BICD1: variants seen among roughly 807,000 people sequenced by gnomAD.
The protein encoded by BICD1 is protein bicaudal D homolog 1.
In BICD1, 35 loss-of-function variants were observed where a neutral mutation model predicts 92.5. That is an observed-to-expected ratio of 0.38 (90% CI 0.29 to 0.50). The LOEUF is 0.50. Ranked by LOEUF, BICD1 falls within the 20% of genes least tolerant of loss-of-function variation. BICD1 has a pLI of 0.93. For synonymous variants in BICD1, 429 were observed against 465.1 expected, an observed-to-expected ratio of 0.92 and a Z score of 1.00; for missense variants, 950 against 1,189.8, an observed-to-expected ratio of 0.80 and a Z score of 2.97.
intron 1 of BICD1, chr12:32,108,570 A>G (rs573746005): frequency 4.6e-6 from 3 of 652,340 alleles, no homozygotes; most frequent in South Asian, 1.7e-5. Context: ...TTTTAGGTGC[A>G]TATTGACATT....
intron 2 of BICD1, among the ~76,000 whole-genome samples, chr12:32,253,105 A>G (rs1302575427): frequency 6.6e-6 from 1 of 150,910 alleles, no homozygotes; most frequent in African/African-American, 2.4e-5. Flanking sequence ...CTGGTCTTGA[A>G]CTCCTGGGCT....
intron 2 of BICD1, among the ~76,000 whole-genome samples, chr12:32,293,252 T>C (rs1038927527): frequency 8.5e-5 from 13 of 152,178 alleles, no homozygotes; most frequent in Non-Finnish European, 2.9e-5. Context: ...ATCTATGACT[T>C]GCTTTTCACA....
chr12:32,302,660 A>G (rs1948087983), intron 3 of BICD1, among the ~76,000 whole-genome samples: 1 of 152,206 alleles, frequency 6.6e-6, no homozygotes, highest in East Asian at 1.9e-4. Context: ...TGTAGTTGAT[A>G]TGTAACCCAG....
intron 8 of BICD1, among the ~76,000 whole-genome samples, chr12:32,343,056 T>G (rs761562617): frequency 1.3e-5 from 2 of 152,208 alleles, no homozygotes; most frequent in African/African-American, 2.4e-5. Context: ...GCTTGTTAAC[T>G]TTCTTGTTCT....
intron 9 of BICD1, among the ~76,000 whole-genome samples, chr12:32,374,129 G>T (rs1458427823): frequency 6.6e-6 from 1 of 150,628 alleles, no homozygotes; most frequent in Non-Finnish European, 1.5e-5. Flanking sequence ...CACTAGAATT[G>T]CTTGAACCTG....
intron 3 of BICD1, among the ~76,000 whole-genome samples, chr12:32,297,411 A>G (rs1302426003): frequency 6.6e-6 from 1 of 151,838 alleles, no homozygotes; most frequent in Non-Finnish European, 1.5e-5. Context: ...TGCCCTCCCT[A>G]TGTTGCCCAG....
chr12:32,350,426 G>A (rs1017699474), intron 8 of BICD1, among the ~76,000 whole-genome samples: 3 of 152,152 alleles, frequency 2.0e-5, no homozygotes, highest in African/African-American at 7.2e-5. Context: ...GCAGTGAGCT[G>A]TGATTGCACC....
chr12:32,252,186 T>TATTATATTTATAATAA (rs1946582448), intron 2 of BICD1, among the ~76,000 whole-genome samples: 7 of 133,200 alleles, frequency 5.3e-5, no homozygotes, highest in African/African-American at 1.5e-4. Context: ...TTATATAATA[T>TATTATATTTATAATAA]ATACTATATA....
At chr12:32,224,419 C>G (rs893531444) in intron 2 of BICD1, among the ~76,000 whole-genome samples, 2 of 152,368 alleles carry the variant, frequency 1.3e-5, no homozygotes. Flanking sequence ...ATTTAATTCT[C>G]TCAACAAACT....
At chr12:32,116,339 A>G (rs1389453964) in intron 1 of BICD1, among the ~76,000 whole-genome samples, 1 of 151,272 alleles carries the variant, frequency 6.6e-6, no homozygotes, top group Non-Finnish European at 1.5e-5. Flanking sequence ...TCTTCCATCA[A>G]CTCTTTTATG....
chr12:32,253,386 GC>G (rs2136110189), intron 2 of BICD1, among the ~76,000 whole-genome samples: 1 of 152,146 alleles, frequency 6.6e-6, no homozygotes, highest in South Asian at 2.1e-4. Flanking sequence ...TGACTTTAAT[GC>G]CCCACTGGAC....
intron 1 of BICD1, among the ~76,000 whole-genome samples, chr12:32,197,976 C>T (rs1010855252): frequency 3.3e-5 from 5 of 151,902 alleles, no homozygotes; most frequent in East Asian, 1.9e-4. Flanking sequence ...GAGGCCAAGG[C>T]GGGTGGATCA....
chr12:32,156,437 G>A (rs775821680), intron 1 of BICD1, among the ~76,000 whole-genome samples: 1 of 152,184 alleles, frequency 6.6e-6, no homozygotes, highest in Non-Finnish European at 1.5e-5. Context: ...GGCAGTCTTA[G>A]TTGGGGCTCA....
At chr12:32,307,948 C>A (rs904057718) in intron 4 of BICD1, among the ~76,000 whole-genome samples, 1 of 152,054 alleles carries the variant, frequency 6.6e-6, no homozygotes, top group Non-Finnish European at 1.5e-5. Context: ...TTGTTTATTC[C>A]TTTTGTTTTG....
intron 2 of BICD1, among the ~76,000 whole-genome samples, chr12:32,265,926 C>T (rs1946983299): frequency 6.6e-6 from 1 of 152,284 alleles, no homozygotes; most frequent in African/African-American, 2.4e-5. Context: ...CCCAATTACA[C>T]ATCTGTCTCA....
At chr12:32,240,632 G>T (rs1303578887) in intron 2 of BICD1, among the ~76,000 whole-genome samples, 1 of 152,110 alleles carries the variant, frequency 6.6e-6, no homozygotes, top group Admixed American at 6.5e-5. Flanking sequence ...AATCGTATCT[G>T]CAAAGCTTGT....
chr12:32,206,894 G>C (rs1945072845), intron 1 of BICD1, among the ~76,000 whole-genome samples: 1 of 152,148 alleles, frequency 6.6e-6, no homozygotes, highest in Admixed American at 6.5e-5. Context: ...ATTTAAAGTT[G>C]AGTTCCAAAA....
In BICD1 at chr12:32,274,578, AAATCAT is replaced by A. The variant is rs1947229432; in HGVS notation, c.427-19411_427-19406del. Among the ~76,000 whole-genome samples the A allele has an allele frequency of 2.0e-5, 3 of 152,350 alleles. No homozygotes were observed. The East Asian group carries it at 5.8e-4, about 29-fold the overall frequency. On this transcript the variant is annotated intron_variant, in intron 2 of 9. Transcript: ENST00000652176. ...ATATTTTTCAGAAATAGTATCCACTAAATCATAATCTGAGGCCACTTTACTGAGGCG... is the reference window on the plus strand; with the variant it reads ...ATATTTTTCAGAAATAGTATCCACTAAATCTGAGGCCACTTTACTGAGGCG...
Position 32,216,202 on chromosome 12 carries a change from G to GATTTTAAGGGTT in BICD1, c.214-43_214-42insTTTAAGGGTTAT, listed in dbSNP as rs756325549. On this transcript the variant is annotated intron_variant, in intron 1 of 9. Transcript: ENST00000652176. ...TTCCCAAGTCTTAAAAGAGGGTTAT[G>GATTTTAAGGGTT]ATGCATTTCATTGTGTACTCTTTTT... 99 of 1,579,180 alleles carry GATTTTAAGGGTT rather than the reference G, an allele frequency of 6.3e-5. 1 individual carries two copies. In the South Asian group the frequency reaches 1.0e-3, roughly 16 times the overall value.
Sources: gnomAD v4.1 joint callset for allele counts (sites outside exome capture counted in the v4.1 genomes callset) on GRCh38, gnomAD v4.1.1 for gene constraint, MANE v1.5 for transcripts, NCBI Gene and HGNC (gene_info 2026-07-23, HGNC 2026-07-21) for gene names.